Variants in REV3L observed in about 807,000 individuals in gnomAD.
REV3L encodes DNA polymerase zeta catalytic subunit.
In REV3L, 69 loss-of-function variants were observed where a neutral mutation model predicts 299.4. That is an observed-to-expected ratio of 0.23 (90% CI 0.19 to 0.28). The LOEUF (loss-of-function observed/expected upper bound fraction) is 0.28. Ranked by LOEUF, REV3L falls within the 10% of genes least tolerant of loss-of-function variation. The pLI, the probability that REV3L is intolerant of heterozygous loss-of-function variation, is 1.00. For missense variants in REV3L, 3,128 were observed against 3,693.8 expected, an observed-to-expected ratio of 0.85 and a Z score of 3.97; for synonymous variants, 1,238 against 1,271.4, an observed-to-expected ratio of 0.97 and a Z score of 0.56.
intron 1 of REV3L, among the ~76,000 whole-genome samples, chr6:111,438,014 A>ATTTTTTTTT (rs113741430): frequency 1.4e-5 from 2 of 146,658 alleles, no homozygotes; most frequent in Non-Finnish European, 1.5e-5. Context: ...CACCTGCCTA[A>ATTTTTTTTT]TTTTTTTTTT....
intron 24 of REV3L, chr6:111,331,067 A>C (rs1775328755): frequency 1.0e-6 from 1 of 954,402 alleles, no homozygotes. Context: ...CTAAGAAAAT[A>C]GAAAAGAAAG....
In REV3L at chr6:111,375,231, G is replaced by T. The variant is rs751346737; in HGVS notation, c.3124C>A (p.Pro1042Thr). Residue 1042 changes from proline to threonine, a missense_variant, in exon 13 of 32, where the codon CCA becomes ACA. By Grantham distance (38) the Pro-to-Thr change is conservative. Coordinates refer to ENST00000368802, the MANE Select transcript of REV3L (RefSeq NM_001372078.1). ...GACTTTCTTCTGTGACTTTTCTTTGGTGTTAGTGGATAAATGGGATATTTG... is the reference window on the plus strand; with the variant it reads ...GACTTTCTTCTGTGACTTTTCTTTGTTGTTAGTGGATAAATGGGATATTTG... ...ATKYPIYPLT[P>T]KKSHRRKSKH... 1.2e-6 allele frequency: 2 copies of T among 1,612,292 alleles called. No homozygotes were observed. Among genetic ancestry groups the T allele is most frequent in the African/African-American group, 2.7e-5 (2 of 74,742 alleles).
chr6:111,478,579 A>G (rs2128344315), intron 1 of REV3L, among the ~76,000 whole-genome samples: 1 of 152,082 alleles, frequency 6.6e-6, no homozygotes, highest in African/African-American at 2.4e-5. Flanking sequence ...AGTTGTTGAT[A>G]CACGCTAATT....
In REV3L at chr6:111,351,692, C is replaced by A. The variant is rs757717451; in HGVS notation, c.7284G>T (p.Met2428Ile). 6 of 1,612,820 alleles carry A rather than the reference C, an allele frequency of 3.7e-6. No individual in the cohort carries two copies. Among genetic ancestry groups the A allele is most frequent in the Non-Finnish European group, 5.1e-6 (6 of 1,179,334 alleles). The change falls in exon 19 of 32, where the codon ATG becomes ATT. Residue 2428 changes from methionine (M) to isoleucine (I), a missense_variant. Physicochemically the swap from Met to Ile is conservative, Grantham distance 10. Coordinates refer to ENST00000368802, the MANE Select transcript of REV3L (RefSeq NM_001372078.1). The part of the protein sequence containing the change: ...AAALSIDLCR[M>I]ISRVPDDKIE... ...GACACATACCTGGCACCCGAGAGAT[C>A]ATCCGACATAAGTCAATACTTAAAG...
intron 18 of REV3L, among the ~76,000 whole-genome samples, chr6:111,352,291 T>C (rs1777650631): frequency 6.6e-6 from 1 of 152,062 alleles, no homozygotes; most frequent in Admixed American, 6.6e-5. Context: ...TATAGGCGAT[T>C]TGACGCTATT....
intron 19 of REV3L, among the ~76,000 whole-genome samples, 171 bp from the exon 20 acceptor site, chr6:111,349,507 CTCCT>C (rs1390574383): frequency 6.6e-6 from 1 of 152,136 alleles, no homozygotes; most frequent in East Asian, 1.9e-4. Flanking sequence ...CTCTCCCTCC[CTCCT>C]TCTTTCTATA....
At chr6:111,461,225 T>C (rs1790734471) in intron 1 of REV3L, among the ~76,000 whole-genome samples, 1 of 151,978 alleles carries the variant, frequency 6.6e-6, no homozygotes, top group Non-Finnish European at 1.5e-5. Context: ...CCAGACAAGA[T>C]GTGGAAGTGG....
At chr6:111,378,189 G>A (rs574059619) in intron 11 of REV3L, among the ~76,000 whole-genome samples, 2 of 152,124 alleles carry the variant, frequency 1.3e-5, no homozygotes, top group Non-Finnish European at 2.9e-5. Flanking sequence ...TGAGGTCAGG[G>A]CTGAAGAGAA....
chr6:111,461,750 G>C (rs1045021096), intron 1 of REV3L, among the ~76,000 whole-genome samples: 4 of 151,588 alleles, frequency 2.6e-5, no homozygotes, highest in African/African-American at 9.7e-5. Context: ...GCAAACCCTA[G>C]GGCAACCACT....
chr6:111,344,897 A>C (rs993878515), intron 20 of REV3L, among the ~76,000 whole-genome samples: 12 of 152,248 alleles, frequency 7.9e-5, no homozygotes, highest in Non-Finnish European at 1.8e-4. Flanking sequence ...ATTGAATGTT[A>C]ATCTTATCTC....
intron 2 of REV3L, among the ~76,000 whole-genome samples, chr6:111,414,044 T>G (rs1013265094): frequency 6.6e-6 from 1 of 152,050 alleles, no homozygotes; most frequent in Admixed American, 6.6e-5. Flanking sequence ...AGTCATCTCA[T>G]ACATGCTAGT....
At chr6:111,354,983 T>C (rs565325098) in intron 18 of REV3L, among the ~76,000 whole-genome samples, 1 of 152,190 alleles carries the variant, frequency 6.6e-6, no homozygotes, top group East Asian at 1.9e-4. Flanking sequence ...ATGGATATGA[T>C]GTAATATAAA....
In REV3L at chr6:111,311,203, TTTAA is replaced by T; in HGVS notation, c.8657_8660del (p.Ile2886AsnfsTer9). ...TCATACATTGTCGCTGAACATACTGTTTAATTAGACTTATATCTCTCGTTTCAAA... is the reference window on the plus strand; with the variant it reads ...TCATACATTGTCGCTGAACATACTGTTTAGACTTATATCTCTCGTTTCAAA... On this transcript the variant is annotated frameshift_variant, in exon 29 of 32. Transcript: ENST00000368802. LOFTEE classifies it high-confidence loss of function. 2 of 1,613,584 alleles carry T rather than the reference TTTAA, an allele frequency of 1.2e-6. No individual in the cohort carries two copies. Among genetic ancestry groups the T allele is most frequent in the East Asian group, 2.2e-5 (1 of 44,872 alleles).
intron 1 of REV3L, among the ~76,000 whole-genome samples, chr6:111,466,750 G>A (rs144177361): frequency 1.6e-3 from 251 of 152,294 alleles, no homozygotes; most frequent in African/African-American, 5.2e-3. Flanking sequence ...ACTGAAGCAC[G>A]AGAATCACTT....
intron 11 of REV3L, among the ~76,000 whole-genome samples, chr6:111,378,602 T>C (rs1780536043): frequency 1.3e-5 from 2 of 152,162 alleles, no homozygotes; most frequent in Non-Finnish European, 1.5e-5. Context: ...TCTCTGTTTT[T>C]ACATAATCTG....
chr6:111,314,976 G>C (rs1319874347), intron 27 of REV3L, among the ~76,000 whole-genome samples: 1 of 151,400 alleles, frequency 6.6e-6, no homozygotes, highest in Non-Finnish European at 1.5e-5. Context: ...TCAGCCTCTG[G>C]AACAGCTGGG....
At chr6:111,476,591 A>T (rs1037982513) in intron 1 of REV3L, among the ~76,000 whole-genome samples, 2 of 152,152 alleles carry the variant, frequency 1.3e-5, no homozygotes, top group African/African-American at 4.8e-5. Flanking sequence ...GGGATGCTCA[A>T]CCTATATTAA....
At chr6:111,332,873 G>A (rs1223911960) in intron 23 of REV3L, among the ~76,000 whole-genome samples, 2 of 152,200 alleles carry the variant, frequency 1.3e-5, no homozygotes, top group South Asian at 2.1e-4. Flanking sequence ...TACATATGGA[G>A]TGAAACAGTT....
rs543419723 is a variant in REV3L at position 111,364,397 on chromosome 6, CAT to C, written c.6754-421_6754-420del. Among the ~76,000 whole-genome samples the C allele has an allele frequency of 1.6e-3, 241 of 152,108 alleles. 1 individual carries two copies. Among genetic ancestry groups the C allele is most frequent in the Non-Finnish European group, 2.7e-3 (184 of 67,920 alleles). On this transcript the variant is annotated intron_variant, in intron 15 of 31. Transcript: ENST00000368802. The stretch of plus-strand genomic sequence containing the variant: ...TGATTTGTATTTTACTCTAATATAA[CAT>C]GTGTCTGAAAGATGAATTAAATAAA...
Sources: allele counts gnomAD v4.1 joint callset (sites outside exome capture counted in the v4.1 genomes callset), GRCh38; gene constraint gnomAD v4.1.1; transcripts MANE v1.5; gene names NCBI Gene and HGNC (gene_info 2026-07-23, HGNC 2026-07-21).